The following BORCS5 variants were observed in gnomAD, a reference collection of about 807,000 sequenced individuals.
The protein encoded by BORCS5 is BLOC-1-related complex subunit 5.
BORCS5 carries 17 observed loss-of-function variants against 22.1 expected under a neutral mutation model. The observed-to-expected ratio is 0.77, with a 90% CI of 0.53 to 1.15. The LOEUF (loss-of-function observed/expected upper bound fraction) is 1.15, where lower values mean the gene tolerates loss of function less well. BORCS5 is among the 50% of genes most tolerant of loss of function. The pLI, the probability that BORCS5 is intolerant of heterozygous loss-of-function variation, is 0.00. For synonymous variants in BORCS5, 117 were observed against 99.8 expected (o/e 1.17, Z -1.03); for missense variants, 247 against 253.2 (o/e 0.98, Z 0.17).
rs1295261972 is a variant in BORCS5 at position 12,470,675 on chromosome 12, G to GT, written c.*4899_*4900insT. 4.4e-4 allele frequency among the ~76,000 whole-genome samples: 10 copies of GT among 22,916 alleles called. No homozygotes were observed. The highest frequency in any genetic ancestry group is 2.5e-3 in the South Asian group (4 of 1,586). The allele number at this position is 22,916 out of a possible 152,430, so 15.0% of individuals were successfully genotyped here. A position where few individuals can be genotyped will look rare whatever the true frequency, so the allele number is the denominator to read the frequency against. ...CATAAATAACATTGAATTTCATGTG[G>GT]GTTTTTTTTTTTTGACACACCAGGC... On this transcript the variant is annotated 3_prime_UTR_variant, in exon 4 of 4. Coordinates refer to ENST00000314565, the MANE Select transcript of BORCS5 (RefSeq NM_058169.6).
chr12:12,369,140 ATAT>A (rs931590143), intron 2 of BORCS5, among the ~76,000 whole-genome samples: 7 of 152,138 alleles, frequency 4.6e-5, no homozygotes, highest in Admixed American at 1.3e-4. Context: ...TATGCATTAA[ATAT>A]TATTATATTG....
chr12:12,423,921 C>A (rs1372056610), intron 2 of BORCS5, among the ~76,000 whole-genome samples: 1 of 152,126 alleles, frequency 6.6e-6, no homozygotes, highest in Non-Finnish European at 1.5e-5. Context: ...AACTCCTGAC[C>A]TCAAGTGATC....
At chr12:12,376,220 G>A (rs1863647804) in intron 2 of BORCS5, among the ~76,000 whole-genome samples, 1 of 151,160 alleles carries the variant, frequency 6.6e-6, no homozygotes, top group African/African-American at 2.4e-5. Flanking sequence ...AATTGGGATT[G>A]CTTTGCTCTT....
Position 12,442,650 on chromosome 12 carries a change from G to A in BORCS5, c.360+6865G>A, listed in dbSNP as rs570439714. ...GCAAATAAAGAAACCAAGGATCTTC[G>A]AGTGTATATGGGATTTGCTGGGTAT... On this transcript the variant is annotated intron_variant, in intron 3 of 3. Transcript: ENST00000314565. Among the ~76,000 whole-genome samples the A allele has an allele frequency of 2.9e-4, 44 of 152,284 alleles. 1 individual carries two copies. Among genetic ancestry groups the A allele is most frequent in the Admixed American group, 2.7e-3 (41 of 15,302 alleles).
At chr12:12,390,120 T>C (rs1941135171) in intron 2 of BORCS5, among the ~76,000 whole-genome samples, 1 of 152,154 alleles carries the variant, frequency 6.6e-6, no homozygotes, top group Non-Finnish European at 1.5e-5. Context: ...TAATGATTCC[T>C]TTTTAGATTC....
chr12:12,414,050 A>G (rs1344993126), intron 2 of BORCS5, among the ~76,000 whole-genome samples: 3 of 62,492 alleles, frequency 4.8e-5, no homozygotes, highest in East Asian at 3.6e-4. Context: ...GCGGCTGGCC[A>G]GGCGGGGGGC....
At chr12:12,435,603 C>A (rs1397899677) in intron 2 of BORCS5, 25 bp from the exon 3 acceptor site, 1 of 1,586,800 alleles carries the variant, frequency 6.3e-7, no homozygotes, top group South Asian at 1.1e-5. Context: ...ATTTTAATTT[C>A]ATTTCATTTT....
In BORCS5 at chr12:12,438,322, C is replaced by T. The variant is rs1395934445; in HGVS notation, c.360+2537C>T. ...GTTACAGTGAGCCCAGATCATGTCA[C>T]TGCACTCCAACCAGGGCGACAGAGC... On this transcript the variant is annotated intron_variant, in intron 3 of 3. Coordinates refer to ENST00000314565, the MANE Select transcript of BORCS5 (RefSeq NM_058169.6). Among the ~76,000 whole-genome samples the T allele has an allele frequency of 6.4e-5, 9 of 140,520 alleles. No homozygotes were observed. The Admixed American group carries it at 6.5e-4, about 10-fold the overall frequency. 92.2% of individuals were successfully genotyped at this position (140,520 alleles called of 152,430 possible).
intron 2 of BORCS5, among the ~76,000 whole-genome samples, chr12:12,397,605 G>A (rs7309982): frequency 0.27 from 41,325 of 152,096 alleles, 7,024 homozygotes; most frequent in African/African-American, 0.49. Context: ...AGAGAAGATC[G>A]GTACCTGACA....
chr12:12,402,548 C>A (rs1186093923), intron 2 of BORCS5, among the ~76,000 whole-genome samples: 3 of 152,126 alleles, frequency 2.0e-5, no homozygotes, highest in Non-Finnish European at 4.4e-5. Flanking sequence ...AATTGAGGGT[C>A]TTTTGTGGAA....
intron 3 of BORCS5, among the ~76,000 whole-genome samples, chr12:12,459,115 C>T (rs538727506): frequency 1.3e-5 from 2 of 151,978 alleles, no homozygotes; most frequent in South Asian, 2.1e-4. Flanking sequence ...AGGCTGGTCT[C>T]GAGCTCCTGA....
At chr12:12,458,335 A>G (rs887438257) in intron 3 of BORCS5, among the ~76,000 whole-genome samples, 3 of 152,138 alleles carry the variant, frequency 2.0e-5, no homozygotes, top group Non-Finnish European at 4.4e-5. Context: ...CCCCCTCAAG[A>G]ACAATAATTC....
chr12:12,467,427 A>T lies in BORCS5; in HGVS notation c.*1651A>T, dbSNP rs1592149114. On this transcript the variant is annotated 3_prime_UTR_variant, in exon 4 of 4. Coordinates refer to ENST00000314565, the MANE Select transcript of BORCS5 (RefSeq NM_058169.6). ...ACTGCTGCAGCTGTTAGTGGCTGGC[A>T]CAGGGCAGGATGGCAGACCTAGTGC... 1 of 152,256 alleles carries T rather than the reference A, an allele frequency of 6.6e-6. No homozygotes were observed. Among genetic ancestry groups the T allele is most frequent in the Non-Finnish European group, 1.5e-5 (1 of 68,070 alleles). The allele number at this position is 152,256 out of a possible 1,614,324, so 9.4% of individuals were successfully genotyped here. A position where few individuals can be genotyped will look rare whatever the true frequency, so the allele number is the denominator to read the frequency against.
intron 2 of BORCS5, among the ~76,000 whole-genome samples, chr12:12,391,423 T>A (rs762588878): frequency 2.2e-4 from 33 of 151,628 alleles, no homozygotes; most frequent in Non-Finnish European, 4.6e-4. Flanking sequence ...TCTAGCTCTG[T>A]CACCTAGGCT....
chr12:12,369,778 G>C (rs1433073153), intron 2 of BORCS5, among the ~76,000 whole-genome samples: 1 of 130,710 alleles, frequency 7.7e-6, no homozygotes, highest in Admixed American at 9.3e-5. Flanking sequence ...AGGAGGGAGT[G>C]CACTGGCACA....
chr12:12,426,985 A>T (rs1409294857), intron 2 of BORCS5, among the ~76,000 whole-genome samples: 3 of 152,236 alleles, frequency 2.0e-5, no homozygotes, highest in African/African-American at 7.2e-5. Flanking sequence ...AACCAGAGCA[A>T]TGATGACTGC....
intron 2 of BORCS5, among the ~76,000 whole-genome samples, chr12:12,364,160 C>G (rs1185127731): frequency 6.6e-6 from 1 of 151,866 alleles, no homozygotes; most frequent in Non-Finnish European, 1.5e-5. Flanking sequence ...TGGATCACTT[C>G]AGGTCAGGAA....
chr12:12,374,971 T>C lies in BORCS5; in HGVS notation c.202+13622T>C, dbSNP rs117225666. On this transcript the variant is annotated intron_variant, in intron 2 of 3. Transcript: ENST00000314565. ...CTGTCTCAAAAAAAAAAAAAAAAAT[T>C]ATTAACCAAGTTTGTATTTGGAATA... Among the ~76,000 whole-genome samples the C allele has an allele frequency of 9.1e-3, 1,376 of 150,812 alleles. 72 individuals carry two copies. The East Asian group carries it at 0.16, about 17-fold the overall frequency.
chr12:12,393,796 T>C lies in BORCS5; in HGVS notation c.202+32447T>C, dbSNP rs374275487. Among the ~76,000 whole-genome samples, 9 of 151,750 alleles carry C rather than the reference T, an allele frequency of 5.9e-5. No homozygotes were observed. The East Asian group carries it at 1.4e-3, about 23-fold the overall frequency. On this transcript the variant is annotated intron_variant, in intron 2 of 3. Coordinates refer to ENST00000314565, the MANE Select transcript of BORCS5 (RefSeq NM_058169.6). The stretch of plus-strand genomic sequence containing the variant: ...TTGGCCTTCCAAAGTGCTGGGATTA[T>C]AGGTGTGAGCCATCGCGCCCGGCCT...
Sources: allele counts gnomAD v4.1 joint callset (sites outside exome capture counted in the v4.1 genomes callset), GRCh38; gene constraint gnomAD v4.1.1; transcripts MANE v1.5; gene names NCBI Gene and HGNC (gene_info 2026-07-23, HGNC 2026-07-21).